NELL2: variants seen among roughly 807,000 people sequenced by gnomAD.
The protein encoded by NELL2 is protein kinase C-binding protein NELL2.
NELL2 carries 41 observed loss-of-function variants against 109.6 expected under a neutral mutation model. The ratio of observed to expected loss-of-function variants is 0.37; its 90% CI spans 0.29 to 0.49. The LOEUF is 0.49. Among genes scored for constraint, NELL2 ranks in the 20% least tolerant of loss-of-function variants. The probability of loss-of-function intolerance (pLI) is 0.98; values close to 1 mark genes in which losing one functional copy is unlikely to be tolerated. For synonymous variants in NELL2, 355 were observed against 344.7 expected, an observed-to-expected ratio of 1.03 and a Z score of -0.33; for missense variants, 900 against 1,008.3, an observed-to-expected ratio of 0.89 and a Z score of 1.45.
intron 15 of NELL2, among the ~76,000 whole-genome samples, chr12:44,554,768 C>A (rs893024648): frequency 6.6e-6 from 1 of 152,140 alleles, no homozygotes; most frequent in East Asian, 1.9e-4. Flanking sequence ...CTTAAGGTAA[C>A]AAACTGTCCT....
rs1230791965 is a variant in NELL2, at chr12:44,843,386, TAAAGAATC to T, written c.185-27258_185-27251del. On this transcript the variant is annotated intron_variant, in intron 2 of 19. Transcript: ENST00000429094. ...TATACACTGGTTAGAATGACAAAAT[TAAAGAATC>T]AATTGCAAGGGAAAATGTGGAACAA... Among the ~76,000 whole-genome samples the T allele has an allele frequency of 2.2e-4, 33 of 152,056 alleles. 1 individual carries two copies. Among genetic ancestry groups the T allele is most frequent in the Admixed American group, 2.2e-3 (33 of 15,274 alleles).
intron 15 of NELL2, 99 bp downstream of exon 15, chr12:44,607,070 T>C (rs148021615): frequency 9.9e-7 from 1 of 1,014,576 alleles, no homozygotes; most frequent in African/African-American, 1.6e-5. Context: ...CTCCATGCTT[T>C]GAGAGCCCAC....
intron 9 of NELL2, among the ~76,000 whole-genome samples, chr12:44,739,362 A>T (rs1219760423): frequency 1.3e-5 from 2 of 152,202 alleles, no homozygotes; most frequent in Admixed American, 1.3e-4. Flanking sequence ...AGTTTCTAGC[A>T]CATGTACAAA....
intron 2 of NELL2, among the ~76,000 whole-genome samples, chr12:44,840,192 G>C (rs1269733559): frequency 6.6e-6 from 1 of 152,144 alleles, no homozygotes; most frequent in African/African-American, 2.4e-5. Flanking sequence ...GCTTGATTGA[G>C]GAGGCAGTCC....
chr12:44,590,638 G>A (rs1944710357), intron 15 of NELL2, among the ~76,000 whole-genome samples: 1 of 152,146 alleles, frequency 6.6e-6, no homozygotes, highest in African/African-American at 2.4e-5. Flanking sequence ...TTAAGATAGT[G>A]TTATTGTACT....
intron 15 of NELL2, among the ~76,000 whole-genome samples, chr12:44,571,168 G>A (rs1943859384): frequency 6.6e-6 from 1 of 152,184 alleles, no homozygotes; most frequent in South Asian, 2.1e-4. Context: ...ATGGAGGTCA[G>A]TCTTTAAACA....
chr12:44,510,292 A>G (rs1057296010), intron 19 of NELL2, among the ~76,000 whole-genome samples: 1 of 152,182 alleles, frequency 6.6e-6, no homozygotes, highest in Non-Finnish European at 1.5e-5. Context: ...TTGGATTCCT[A>G]TTAATAGTCA....
intron 1 of NELL2, among the ~76,000 whole-genome samples, chr12:44,894,436 G>A (rs1204911494): frequency 6.6e-6 from 1 of 152,110 alleles, no homozygotes; most frequent in Non-Finnish European, 1.5e-5. Flanking sequence ...TCTAAAGCAA[G>A]GTAAGTGATG....
At chr12:44,885,137 G>A (rs1945456614) in intron 1 of NELL2, among the ~76,000 whole-genome samples, 1 of 151,882 alleles carries the variant, frequency 6.6e-6, no homozygotes, top group African/African-American at 2.4e-5. Context: ...ATACAAGCCA[G>A]GCATGGTGGT....
chr12:44,882,587 G>A (rs1345141100), intron 1 of NELL2, among the ~76,000 whole-genome samples: 2 of 151,566 alleles, frequency 1.3e-5, no homozygotes, highest in Non-Finnish European at 2.9e-5. Flanking sequence ...GAATGCAGTG[G>A]CACCGTCTCA....
At chr12:44,726,229 T>C (rs1336061730) in intron 9 of NELL2, among the ~76,000 whole-genome samples, 2 of 150,750 alleles carry the variant, frequency 1.3e-5, no homozygotes, top group Non-Finnish European at 2.9e-5. Flanking sequence ...GAAGAAAGAG[T>C]TGGAAACATA....
At chr12:44,723,372 T>C (rs1938894687) in intron 9 of NELL2, among the ~76,000 whole-genome samples, 1 of 152,162 alleles carries the variant, frequency 6.6e-6, no homozygotes, top group Admixed American at 6.5e-5. Flanking sequence ...ATAGAGGCAG[T>C]CCAGAGATAT....
intron 2 of NELL2, among the ~76,000 whole-genome samples, chr12:44,856,571 G>A (rs1318527440): frequency 6.6e-6 from 1 of 152,202 alleles, no homozygotes; most frequent in Non-Finnish European, 1.5e-5. Flanking sequence ...CAGCTGTCTG[G>A]GGGAAGAGCA....
At chr12:44,701,501 TAAGCTGC>T (rs979312868) in intron 12 of NELL2, among the ~76,000 whole-genome samples, 22 of 152,024 alleles carry the variant, frequency 1.4e-4, no homozygotes, top group African/African-American at 4.8e-4. Flanking sequence ...CAATTTTCAG[TAAGCTGC>T]ATTAAACAAG....
chr12:44,733,424 A>G (rs1939475057), intron 9 of NELL2, among the ~76,000 whole-genome samples: 1 of 152,008 alleles, frequency 6.6e-6, no homozygotes, highest in Non-Finnish European at 1.5e-5. Context: ...ATGAATCTTG[A>G]GAACATTAAG....
At chr12:44,756,074 A>G (rs2136537751) in intron 9 of NELL2, among the ~76,000 whole-genome samples, 1 of 152,296 alleles carries the variant, frequency 6.6e-6, no homozygotes, top group African/African-American at 2.4e-5. Context: ...CTTCACAGAA[A>G]AAACAAAAGC....
intron 12 of NELL2, among the ~76,000 whole-genome samples, chr12:44,675,402 A>G (rs1423102345): frequency 6.6e-6 from 1 of 152,328 alleles, no homozygotes; most frequent in African/African-American, 2.4e-5. Context: ...TAAGCTATAC[A>G]GTCATATTCT....
intron 1 of NELL2, among the ~76,000 whole-genome samples, chr12:44,887,544 C>T (rs1945487359): frequency 6.6e-6 from 1 of 151,544 alleles, no homozygotes; most frequent in Admixed American, 6.6e-5. Context: ...TTTTCATATA[C>T]CTATTGGTCA....
chr12:44,678,414 C>A lies in NELL2; in HGVS notation c.1319-12805G>T, dbSNP rs369725468. ...AAGCATAATAGAGAAGGCATATCAG[C>A]ATTTAGCATGGTCGCCATGGCATTC... On this transcript the variant is annotated intron_variant, in intron 12 of 19. Coordinates refer to ENST00000429094, the MANE Select transcript of NELL2 (RefSeq NM_001145108.2). Among the ~76,000 whole-genome samples the A allele has an allele frequency of 1.2e-4, 19 of 152,098 alleles. No homozygotes were observed. The South Asian group carries it at 2.1e-3, about 17-fold the overall frequency.
Sources: allele counts gnomAD v4.1 joint callset (sites outside exome capture counted in the v4.1 genomes callset), GRCh38; gene constraint gnomAD v4.1.1; transcripts MANE v1.5; gene names NCBI Gene and HGNC (gene_info 2026-07-23, HGNC 2026-07-21).